The following PLCH1 variants were observed in gnomAD, a reference collection of about 807,000 sequenced individuals.
PLCH1 encodes 1-phosphatidylinositol 4,5-bisphosphate phosphodiesterase eta-1.
Under a neutral mutation model 126.7 loss-of-function variants are expected in PLCH1, and 60 were observed. The observed-to-expected ratio is 0.47, with a 90% confidence interval of 0.38 to 0.59. The LOEUF (loss-of-function observed/expected upper bound fraction) is 0.59. Among genes scored for constraint, PLCH1 ranks in the 20% least tolerant of loss-of-function variants. PLCH1 has a pLI of 0.00. For synonymous variants in PLCH1, 719 were observed against 734.9 expected (o/e 0.98, Z 0.35); for missense variants, 1,723 against 2,040.0 (o/e 0.84, Z 2.99).
At position 155,741,684 on chromosome 3, in the gene PLCH1, C is replaced by CTTTTATTTTTTTTTTTTTT; in HGVS notation, c.-41+3155_-41+3156insAAAAAAAAAAAAAATAAAA. ...TCCTTTTATCATAATTTTATATCCT[C>CTTTTATTTTTTTTTTTTTT]TTTTTTTTTTTTTTTTTTTTGTTCA... On this transcript the variant is annotated intron_variant, in intron 1 of 22. Coordinates refer to ENST00000460012, the MANE Select transcript of PLCH1 (RefSeq NM_014996.4). Among the ~76,000 whole-genome samples the CTTTTATTTTTTTTTTTTTT allele has an allele frequency of 8.9e-4, 92 of 102,858 alleles. 5 individuals are homozygous for CTTTTATTTTTTTTTTTTTT. The highest frequency in any genetic ancestry group is 3.9e-3 in the African/African-American group (82 of 20,894). 67.5% of individuals were successfully genotyped at this position (102,858 alleles called of 152,430 possible). A position where few individuals can be genotyped will look rare whatever the true frequency, so the allele number is the denominator to read the frequency against.
At chr3:155,526,370 GCTCT>G (rs576894112) in intron 10 of PLCH1, among the ~76,000 whole-genome samples, 17 of 147,300 alleles carry the variant, frequency 1.2e-4, no homozygotes, top group South Asian at 2.2e-4. Context: ...CTTTCCTGGA[GCTCT>G]CTCTCTCTCT....
chr3:155,661,819 C>T (rs2108943830), intron 2 of PLCH1, among the ~76,000 whole-genome samples: 1 of 152,278 alleles, frequency 6.6e-6, no homozygotes, highest in Admixed American at 6.5e-5. Flanking sequence ...TTGGTAATTT[C>T]CATAAGCAAG....
intron 2 of PLCH1, among the ~76,000 whole-genome samples, chr3:155,684,587 A>T (rs528624156): frequency 2.0e-5 from 3 of 149,670 alleles, no homozygotes; most frequent in Middle Eastern, 3.5e-3. Context: ...ACATTTTATT[A>T]AAAAAAAAGA....
At chr3:155,676,376 T>C (rs942442727) in intron 2 of PLCH1, 3 of 1,041,584 alleles carry the variant, frequency 2.9e-6, no homozygotes, top group Non-Finnish European at 1.2e-6. Flanking sequence ...GTATGAGACA[T>C]GCATGCTTCG....
At chr3:155,515,242 G>A (rs1379022820) in intron 11 of PLCH1, among the ~76,000 whole-genome samples, 7 of 152,132 alleles carry the variant, frequency 4.6e-5, no homozygotes, top group Admixed American at 3.9e-4. Flanking sequence ...AACTGAAGCA[G>A]GATTCAAACT....
At chr3:155,591,551 A>G (rs561178652) in intron 4 of PLCH1, among the ~76,000 whole-genome samples, 1 of 152,338 alleles carries the variant, frequency 6.6e-6, no homozygotes, top group African/African-American at 2.4e-5. Flanking sequence ...AAAACAGTGA[A>G]GCAATACTGT....
At chr3:155,592,205 C>T (rs926425183) in intron 4 of PLCH1, among the ~76,000 whole-genome samples, 14 of 149,472 alleles carry the variant, frequency 9.4e-5, no homozygotes, top group Non-Finnish European at 2.1e-4. Context: ...AGATTCGTGG[C>T]CAAGCCTGGT....
chr3:155,733,262 C>A (rs1305144665), intron 1 of PLCH1, among the ~76,000 whole-genome samples: 1 of 152,050 alleles, frequency 6.6e-6, no homozygotes, highest in Non-Finnish European at 1.5e-5. Flanking sequence ...ATAGAGAAAG[C>A]AATCTTGAAC....
intron 2 of PLCH1, among the ~76,000 whole-genome samples, chr3:155,686,994 TA>T (rs1467773643): frequency 6.6e-6 from 1 of 152,206 alleles, no homozygotes; most frequent in Non-Finnish European, 1.5e-5. Context: ...TCTGTACACA[TA>T]AGGCAATAAA....
chr3:155,532,067 C>A (rs1722764776), intron 10 of PLCH1, among the ~76,000 whole-genome samples: 1 of 152,240 alleles, frequency 6.6e-6, no homozygotes, highest in Non-Finnish European at 1.5e-5. Flanking sequence ...AGAGGCCCAG[C>A]TTTCAGCCTG....
At chr3:155,523,167 G>A (rs1721402882) in intron 11 of PLCH1, among the ~76,000 whole-genome samples, 1 of 147,584 alleles carries the variant, frequency 6.8e-6, no homozygotes, top group African/African-American at 2.7e-5. Context: ...TAGTAGAGAC[G>A]GGGTTTCACC....
At chr3:155,554,972 T>A (rs775577093) in intron 8 of PLCH1, among the ~76,000 whole-genome samples, 3 of 152,072 alleles carry the variant, frequency 2.0e-5, no homozygotes, top group Non-Finnish European at 4.4e-5. Context: ...AGACAGTAGG[T>A]TTTTCACCAT....
chr3:155,483,084 C>T (rs1483745474), intron 22 of PLCH1, 33 bp from the exon 23 acceptor site: 1 of 1,585,326 alleles, frequency 6.3e-7, no homozygotes, highest in Non-Finnish European at 8.6e-7. Flanking sequence ...TAGGTGACAT[C>T]TATCACTTTA....
chr3:155,458,281 G>A (rs1712512059), intron 21 of PLCH1, among the ~76,000 whole-genome samples: 1 of 147,136 alleles, frequency 6.8e-6, no homozygotes. Context: ...GGCGGAGGTT[G>A]CCGTGAGCCA....
Position 155,594,182 on chromosome 3 carries a change from G to A in PLCH1, c.229C>T (p.Leu77Phe), listed in dbSNP as rs140224322. The A allele has an allele frequency of 5.3e-5, 86 of 1,612,742 alleles. No individual in the cohort carries two copies. The African/African-American group carries it at 5.6e-4, about 11-fold the overall frequency. Residue 77 changes from leucine to phenylalanine, a missense_variant and splice_region_variant, in exon 4 of 23, where the codon CTT (leucine) becomes TTT (phenylalanine). By Grantham distance (22) the Leu-to-Phe change is conservative (BLOSUM62 0). This residue lies in a region of PLCH1 where 776 missense variants were observed against 1,062.9 expected (regional missense o/e 0.73). Transcript: ENST00000460012. ...GTCACTTTGTAAATGGAATCAATAAGTACTGTGAGGAAAATGAGATACACA... is the reference window on the plus strand; with the variant it reads ...GTCACTTTGTAAATGGAATCAATAAATACTGTGAGGAAAATGAGATACACA... Reference protein sequence around the residue: ...PSRKSEKAKILIDSIYKVTEG... With the variant: ...PSRKSEKAKIFIDSIYKVTEG...
At chr3:155,617,349 G>A (rs1735915969) in intron 2 of PLCH1, among the ~76,000 whole-genome samples, 1 of 152,088 alleles carries the variant, frequency 6.6e-6, no homozygotes, top group Admixed American at 6.6e-5. Flanking sequence ...GATTCTCTTG[G>A]AGAGCTACTA....
intron 2 of PLCH1, among the ~76,000 whole-genome samples, chr3:155,699,357 G>A (rs1460164422): frequency 6.6e-6 from 1 of 152,162 alleles, no homozygotes; most frequent in Non-Finnish European, 1.5e-5. Flanking sequence ...GATTACAGGC[G>A]TGAACCACTG....
At chr3:155,582,112 C>T (rs1318794561) in intron 6 of PLCH1, among the ~76,000 whole-genome samples, 1 of 113,358 alleles carries the variant, frequency 8.8e-6, no homozygotes, top group Non-Finnish European at 1.6e-5. Flanking sequence ...GGTGGAGTCT[C>T]GCTCTGCCGC....
intron 1 of PLCH1, among the ~76,000 whole-genome samples, chr3:155,741,047 A>G (rs552680544): frequency 4.6e-5 from 7 of 152,214 alleles, no homozygotes; most frequent in Non-Finnish European, 8.8e-5. Flanking sequence ...CTCTTCCACT[A>G]CGAAGCACAG....
Sources: allele counts gnomAD v4.1 joint callset (sites outside exome capture counted in the v4.1 genomes callset), GRCh38; gene constraint gnomAD v4.1.1; regional missense constraint gnomAD v4.1.1; transcripts MANE v1.5; gene names NCBI Gene and HGNC (gene_info 2026-07-23, HGNC 2026-07-21).